Variants in OPHN1 observed in about 807,000 individuals in gnomAD.
The protein encoded by OPHN1 is oligophrenin-1.
Under a neutral mutation model 60.7 loss-of-function variants are expected in OPHN1, and 11 were observed. That is an observed-to-expected ratio of 0.18 (90% confidence interval 0.11 to 0.30). OPHN1 has a LOEUF of 0.30. OPHN1 is among the 10% of genes least tolerant of loss of function. OPHN1 has a pLI of 1.00. For synonymous variants in OPHN1, 226 were observed against 222.6 expected (o/e 1.02, Z -0.14); for missense variants, 449 against 611.0 (o/e 0.73, Z 2.80).
intron 2 of OPHN1, among the ~76,000 whole-genome samples, chrX:68,425,698 A>G (rs957474818): frequency 1.8e-5 from 2 of 111,061 alleles, no homozygotes; most frequent in Non-Finnish European, 3.8e-5. Flanking sequence ...TGAGTTATTA[A>G]AACTATAGAA....
At chrX:68,081,307 A>G (rs895330584) in intron 19 of OPHN1, among the ~76,000 whole-genome samples, 3 of 111,829 alleles carry the variant, frequency 2.7e-5, no homozygotes, top group Non-Finnish European at 5.6e-5. Context: ...AGTCAGAGTC[A>G]GTTGTGTTGG....
intron 2 of OPHN1, among the ~76,000 whole-genome samples, chrX:68,351,810 C>T (rs1602346965): frequency 9.1e-6 from 1 of 109,795 alleles, no homozygotes; most frequent in Non-Finnish European, 1.9e-5. Context: ...CATTCTCCTG[C>T]CACAGCCTCC....
intron 15 of OPHN1, among the ~76,000 whole-genome samples, chrX:68,188,650 C>G (rs1195109014): frequency 2.7e-5 from 3 of 111,755 alleles, no homozygotes; most frequent in African/African-American, 9.7e-5. Flanking sequence ...ATATAGAGTT[C>G]AAGTTCTGCA....
intron 18 of OPHN1, among the ~76,000 whole-genome samples, chrX:68,099,937 T>C (rs949864285): frequency 8.9e-6 from 1 of 111,744 alleles, no homozygotes; most frequent in Non-Finnish European, 1.9e-5. Context: ...CGCCCAGCTT[T>C]AGCATCCAAC....
At chrX:68,162,660 C>T (rs1432188215) in intron 15 of OPHN1, among the ~76,000 whole-genome samples, 3 of 110,504 alleles carry the variant, frequency 2.7e-5, no homozygotes, top group Admixed American at 1.9e-4. Context: ...TTAAATTATG[C>T]TTTCTAAAAT....
intron 15 of OPHN1, among the ~76,000 whole-genome samples, chrX:68,154,536 T>A (rs1291817163): frequency 1.8e-5 from 2 of 112,390 alleles, no homozygotes; most frequent in Admixed American, 1.9e-4. Flanking sequence ...AGAATGCAAA[T>A]ACCGGGATCA....
At chrX:68,282,258 A>G (rs1025819285) in intron 4 of OPHN1, among the ~76,000 whole-genome samples, 50 of 112,409 alleles carry the variant, frequency 4.4e-4, no homozygotes, top group Non-Finnish European at 2.1e-4. Flanking sequence ...ACAGGAAAAT[A>G]AAATGCATAT....
At chrX:68,340,696 ATAG>A (rs1054691289) in intron 2 of OPHN1, among the ~76,000 whole-genome samples, 2 of 111,937 alleles carry the variant, frequency 1.8e-5, no homozygotes, top group African/African-American at 6.5e-5. Flanking sequence ...AGAAAAAAAA[ATAG>A]TTTTAAAAAT....
At chrX:68,348,986 A>G (rs1370283746) in intron 2 of OPHN1, among the ~76,000 whole-genome samples, 3 of 111,258 alleles carry the variant, frequency 2.7e-5, no homozygotes, top group African/African-American at 9.8e-5. Flanking sequence ...TACAAATAGA[A>G]GACAAACTGT....
intron 15 of OPHN1, among the ~76,000 whole-genome samples, chrX:68,134,636 G>T (rs761088266): frequency 3.8e-4 from 42 of 111,354 alleles, no homozygotes; most frequent in Admixed American, 5.7e-4. Context: ...ATCATGGTTT[G>T]CTTGGGAGCA....
At position 68,141,267 on chromosome X, in the gene OPHN1, T is replaced by C. The variant is rs182651354; in HGVS notation, c.1277-21935A>G. Among the ~76,000 whole-genome samples, 20 of 111,838 alleles carry C rather than the reference T, an allele frequency of 1.8e-4. No homozygotes were observed. The East Asian group carries it at 4.8e-3, about 27-fold the overall frequency. ...GTGTGTGAAGGTTACCAGTCAGACT[T>C]TGTAAACTTTCTTAAGCCTCAGCTA... On this transcript the variant is annotated intron_variant, in intron 15 of 24. Transcript: ENST00000355520.
chrX:68,143,997 G>A (rs1297644760), intron 15 of OPHN1, among the ~76,000 whole-genome samples: 3 of 110,996 alleles, frequency 2.7e-5, no homozygotes, highest in Non-Finnish European at 5.7e-5. Context: ...TGTTCAGGAA[G>A]AGCTACAATT....
intron 19 of OPHN1, among the ~76,000 whole-genome samples, chrX:68,090,580 T>C (rs764908523): frequency 9.1e-6 from 1 of 110,364 alleles, no homozygotes; most frequent in South Asian, 3.9e-4. Context: ...ATCAGAGCCA[T>C]TTCTTAACAG....
At chrX:68,253,677 T>C (rs946560988) in intron 5 of OPHN1, among the ~76,000 whole-genome samples, 3 of 112,233 alleles carry the variant, frequency 2.7e-5, no homozygotes, top group Non-Finnish European at 3.8e-5. Context: ...TATGCTTACA[T>C]CATATAGGCA....
chrX:68,352,833 G>GA (rs1195308266), intron 2 of OPHN1, among the ~76,000 whole-genome samples: 5 of 112,109 alleles, frequency 4.5e-5, no homozygotes, highest in Non-Finnish European at 9.4e-5. Flanking sequence ...GTCATCCACA[G>GA]AGGGAAAGAA....
chrX:68,176,027 G>T (rs1299538799), intron 15 of OPHN1, among the ~76,000 whole-genome samples: 2 of 111,940 alleles, frequency 1.8e-5, no homozygotes, highest in Admixed American at 9.5e-5. Context: ...ACATACAAAA[G>T]AATTAAGTTG....
intron 5 of OPHN1, among the ~76,000 whole-genome samples, chrX:68,240,481 C>A (rs943120869): frequency 5.4e-5 from 6 of 110,965 alleles, no homozygotes; most frequent in African/African-American, 2.0e-4. Context: ...TTTCCTTTTG[C>A]CAACTTTTGG....
At chrX:68,081,008 G>A (rs765431820) in intron 19 of OPHN1, among the ~76,000 whole-genome samples, 9 of 110,979 alleles carry the variant, frequency 8.1e-5, no homozygotes, top group Non-Finnish European at 1.5e-4. Context: ...TGCATCCTGA[G>A]TGTTAGTTGG....
At chrX:68,329,787 G>C (rs918064235) in intron 2 of OPHN1, among the ~76,000 whole-genome samples, 1 of 111,906 alleles carries the variant, frequency 8.9e-6, no homozygotes. Flanking sequence ...TGGGCATATA[G>C]ACAAGAGAAG....
Sources: allele counts gnomAD v4.1 joint callset (sites outside exome capture counted in the v4.1 genomes callset), GRCh38; gene constraint gnomAD v4.1.1; transcripts MANE v1.5; gene names NCBI Gene and HGNC (gene_info 2026-07-23, HGNC 2026-07-21).